The following WWOX variants were observed in gnomAD, a reference collection of about 807,000 sequenced individuals.
WWOX encodes the protein WW domain containing oxidoreductase.
A neutral mutation model predicts 46.2 loss-of-function variants in WWOX; 69 were observed. The ratio of observed to expected loss-of-function variants is 1.49; its 90% CI spans 1.23 to 1.82. WWOX has a LOEUF of 1.82. WWOX is among the 40% of genes most tolerant of loss of function. WWOX has a pLI of 0.00. For missense variants in WWOX, 919 were observed against 542.6 expected, an observed-to-expected ratio of 1.69 and a Z score of -6.89; for synonymous variants, 359 against 202.6, an observed-to-expected ratio of 1.77 and a Z score of -6.56.
chr16:78,996,602 G>A (rs903287847), intron 8 of WWOX, among the ~76,000 whole-genome samples: 5 of 152,054 alleles, frequency 3.3e-5, no homozygotes, highest in Non-Finnish European at 7.4e-5. Flanking sequence ...GTTTACAACA[G>A]TATTTAGATG....
chr16:78,522,428 A>C (rs1463521870), intron 8 of WWOX, among the ~76,000 whole-genome samples: 1 of 152,116 alleles, frequency 6.6e-6, no homozygotes. Context: ...CTCTGTTTGC[A>C]CAGTAGTCAC....
intron 8 of WWOX, among the ~76,000 whole-genome samples, chr16:79,169,421 G>A (rs1291117577): frequency 1.3e-5 from 2 of 152,182 alleles, no homozygotes; most frequent in African/African-American, 4.8e-5. Flanking sequence ...GAAATGCAGT[G>A]CTTCCCTGCA....
chr16:78,871,249 T>A (rs946448638), intron 8 of WWOX, among the ~76,000 whole-genome samples: 15 of 152,058 alleles, frequency 9.9e-5, no homozygotes, highest in Non-Finnish European at 2.1e-4. Flanking sequence ...GAGGGGGGAT[T>A]TTTCCCCCCA....
intron 8 of WWOX, among the ~76,000 whole-genome samples, chr16:79,018,346 C>G (rs1191527677): frequency 2.0e-5 from 3 of 152,194 alleles, no homozygotes; most frequent in Non-Finnish European, 4.4e-5. Flanking sequence ...GAGCCAAAGC[C>G]AAATAGTGCT....
intron 8 of WWOX, among the ~76,000 whole-genome samples, chr16:78,517,659 G>C (rs1179674881): frequency 6.6e-6 from 1 of 152,076 alleles, no homozygotes; most frequent in African/African-American, 2.4e-5. Flanking sequence ...CGCAATCCAT[G>C]TCTGGTGGAA....
intron 8 of WWOX, among the ~76,000 whole-genome samples, chr16:78,642,003 G>C (rs751611427): frequency 2.0e-5 from 3 of 151,982 alleles, no homozygotes; most frequent in Non-Finnish European, 4.4e-5. Flanking sequence ...TGCAAAGAGG[G>C]GGAAAAAGAA....
intron 8 of WWOX, among the ~76,000 whole-genome samples, chr16:79,150,112 A>G (rs1382366674): frequency 2.6e-5 from 4 of 152,198 alleles, no homozygotes; most frequent in African/African-American, 4.8e-5. Flanking sequence ...TTCACTGGCA[A>G]TGGCTCTGGT....
At chr16:79,083,690 A>G (rs2048803366) in intron 8 of WWOX, among the ~76,000 whole-genome samples, 1 of 152,184 alleles carries the variant, frequency 6.6e-6, no homozygotes, top group African/African-American at 2.4e-5. Context: ...ATATACTGCT[A>G]CGGTAAACCG....
chr16:78,389,848 C>G (rs1195770669), intron 6 of WWOX, among the ~76,000 whole-genome samples: 1 of 152,144 alleles, frequency 6.6e-6, no homozygotes, highest in Non-Finnish European at 1.5e-5. Context: ...GCCTTGGGTT[C>G]AAGCGATTCT....
chr16:78,796,653 A>C (rs1447506692), intron 8 of WWOX, among the ~76,000 whole-genome samples: 2 of 152,110 alleles, frequency 1.3e-5, no homozygotes, highest in African/African-American at 4.8e-5. Flanking sequence ...TATTGTCCAT[A>C]TTTGTTAGAG....
At chr16:78,354,233 C>CACCCCT (rs1567519122) in intron 5 of WWOX, among the ~76,000 whole-genome samples, 1 of 150,116 alleles carries the variant, frequency 6.7e-6, no homozygotes, top group African/African-American at 2.5e-5. Context: ...CCAGCACCCC[C>CACCCCT]CCACCCCTGC....
At chr16:78,481,852 T>C (rs992603234) in intron 8 of WWOX, among the ~76,000 whole-genome samples, 1 of 151,128 alleles carries the variant, frequency 6.6e-6, no homozygotes, top group Non-Finnish European at 1.5e-5. Flanking sequence ...GAACCTTTTC[T>C]ATTAATCTTC....
In WWOX at chr16:78,228,916, T is replaced by C. The variant is rs185607752; in HGVS notation, c.516+64627T>C. ...CTTAATTGTTTTAAATCCTTTGTGGTGATTATGCGGAAGGTCAAATCTAAC... is the reference window on the plus strand; with the variant it reads ...CTTAATTGTTTTAAATCCTTTGTGGCGATTATGCGGAAGGTCAAATCTAAC... On this transcript the variant is annotated intron_variant, in intron 5 of 8. Coordinates refer to ENST00000566780, the MANE Select transcript of WWOX (RefSeq NM_016373.4). Among the ~76,000 whole-genome samples, 190 of 152,334 alleles carry C rather than the reference T, an allele frequency of 1.2e-3. 1 individual carries two copies. Among genetic ancestry groups the C allele is most frequent in the Admixed American group, 8.1e-3 (124 of 15,306 alleles).
intron 8 of WWOX, among the ~76,000 whole-genome samples, chr16:78,900,502 C>G (rs8064053): frequency 0.19 from 29,095 of 152,104 alleles, 6,335 homozygotes; most frequent in African/African-American, 0.53. Flanking sequence ...TCAAGAAACC[C>G]ACAGAGGTCC....
chr16:78,907,657 A>G (rs1390670279), intron 8 of WWOX, among the ~76,000 whole-genome samples: 1 of 152,182 alleles, frequency 6.6e-6, no homozygotes, highest in East Asian at 1.9e-4. Flanking sequence ...TACTCTTACA[A>G]TTTTTGCAAA....
intron 8 of WWOX, among the ~76,000 whole-genome samples, chr16:78,457,238 A>G (rs181688673): frequency 2.6e-5 from 4 of 152,354 alleles, no homozygotes; most frequent in Admixed American, 2.0e-4. Context: ...CTTCTGGAAC[A>G]GGATTATCCA....
intron 8 of WWOX, among the ~76,000 whole-genome samples, chr16:78,850,886 A>T (rs1010972013): frequency 2.6e-5 from 4 of 152,304 alleles, no homozygotes; most frequent in South Asian, 2.1e-4. Flanking sequence ...CTCAACATGG[A>T]AGATTTCTGT....
intron 8 of WWOX, among the ~76,000 whole-genome samples, chr16:78,987,932 G>A (rs952858747): frequency 1.3e-5 from 2 of 152,036 alleles, no homozygotes; most frequent in Non-Finnish European, 2.9e-5. Context: ...CTGTATCCAT[G>A]GTAGTCCCAG....
chr16:78,930,048 C>T (rs1354811679), intron 8 of WWOX, among the ~76,000 whole-genome samples: 1 of 152,016 alleles, frequency 6.6e-6, no homozygotes, highest in Non-Finnish European at 1.5e-5. Flanking sequence ...ACTTCTTGGG[C>T]GTGTCCTTAG....
Sources: gnomAD v4.1 joint callset for allele counts (sites outside exome capture counted in the v4.1 genomes callset) on GRCh38, gnomAD v4.1.1 for gene constraint, MANE v1.5 for transcripts, NCBI Gene and HGNC (gene_info 2026-07-23, HGNC 2026-07-21) for gene names.